ABCA12: variants seen among roughly 807,000 people sequenced by gnomAD.
The protein encoded by ABCA12 is glucosylceramide transporter ABCA12.
A neutral mutation model predicts 293.5 loss-of-function variants in ABCA12; 156 were observed. That is an observed-to-expected ratio of 0.53 (90% confidence interval 0.47 to 0.61). The LOEUF is 0.61. Among genes scored for constraint, ABCA12 ranks in the 20% least tolerant of loss-of-function variants. The pLI, the probability that ABCA12 is intolerant of heterozygous loss-of-function variation, is 0.00. For missense variants in ABCA12, 2,797 were observed against 3,090.2 expected (o/e 0.91, Z 2.25); for synonymous variants, 1,063 against 1,108.0 (o/e 0.96, Z 0.81).
At chr2:214,999,787 C>T (rs967625265) in intron 22 of ABCA12, 1 of 984,624 alleles carries the variant, frequency 1.0e-6, no homozygotes, top group Admixed American at 6.2e-5. Flanking sequence ...GGACTCCTTA[C>T]CTGCTTCCTC....
intron 39 of ABCA12, among the ~76,000 whole-genome samples, chr2:214,964,249 T>A (rs1166530585): frequency 6.6e-6 from 1 of 152,166 alleles, no homozygotes; most frequent in African/African-American, 2.4e-5. Flanking sequence ...GAGATGTATA[T>A]GGCAAACCCA....
chr2:215,011,019 A>G (rs1210544850), intron 17 of ABCA12, among the ~76,000 whole-genome samples: 1 of 152,200 alleles, frequency 6.6e-6, no homozygotes. Context: ...CAACTCTACC[A>G]TGTGTGATAA....
intron 6 of ABCA12, among the ~76,000 whole-genome samples, chr2:215,047,795 C>A (rs913578019): frequency 1.3e-5 from 2 of 151,920 alleles, no homozygotes; most frequent in Non-Finnish European, 2.9e-5. Context: ...CAAAAGCAAT[C>A]AAAATAAAAG....
At chr2:215,007,915 A>C in intron 18 of ABCA12, 69 bp from the exon 19 acceptor site, 1 of 1,592,628 alleles carries the variant, frequency 6.3e-7, no homozygotes, top group Non-Finnish European at 8.6e-7. Context: ...AAGGTATCTT[A>C]AGATTGTTTT....
In ABCA12 at chr2:215,087,093, C is replaced by T. The variant is rs929812761; in HGVS notation, c.164-22874G>A. 3.3e-5 allele frequency among the ~76,000 whole-genome samples: 5 copies of T among 152,112 alleles called. No individual in the cohort carries two copies. The East Asian group carries it at 5.8e-4, about 18-fold the overall frequency. ...AAGTAGCTGGGATTACAGGCATGCA[C>T]CACCAAGGTCAGCTAATTTTGTATT... On this transcript the variant is annotated intron_variant, in intron 2 of 52. Coordinates refer to ENST00000272895, the MANE Select transcript of ABCA12 (RefSeq NM_173076.3).
chr2:215,079,602 C>T (rs1701897555), intron 2 of ABCA12, among the ~76,000 whole-genome samples: 2 of 152,188 alleles, frequency 1.3e-5, no homozygotes, highest in Admixed American at 1.3e-4. Flanking sequence ...AGTTCAATTA[C>T]TTCTTTCCCT....
At chr2:215,026,994 G>A (rs995221635) in intron 9 of ABCA12, 56 bp from the exon 10 acceptor site, 77 of 1,273,450 alleles carry the variant, frequency 6.0e-5, no homozygotes, top group South Asian at 5.8e-4. Context: ...AAGCAAAGCC[G>A]TTTTGTTGAG....
intron 23 of ABCA12, among the ~76,000 whole-genome samples, chr2:214,993,039 G>A (rs554624897): frequency 2.0e-5 from 3 of 152,200 alleles, no homozygotes; most frequent in Non-Finnish European, 4.4e-5. Context: ...GCAAAATAGT[G>A]AATTTTACTT....
At chr2:215,027,215 G>A (rs1032225963) in intron 9 of ABCA12, among the ~76,000 whole-genome samples, 12 of 152,060 alleles carry the variant, frequency 7.9e-5, no homozygotes, top group African/African-American at 2.4e-4. Flanking sequence ...GCGTGGTGGC[G>A]GGCGCCTGTA....
At position 214,949,161 on chromosome 2, in the gene ABCA12, G is replaced by A; in HGVS notation, c.6853-12C>T. On this transcript the variant is annotated splice_polypyrimidine_tract_variant and intron_variant, in intron 45 of 52. Coordinates refer to ENST00000272895, the MANE Select transcript of ABCA12 (RefSeq NM_173076.3). ...AGAAGCCCAAAACACTGGTTTGAGG[G>A]AGAAAAAGAAGATATAAGCCTTAAT... 2.5e-6 allele frequency: 4 copies of A among 1,596,676 alleles called. No individual in the cohort carries two copies. The South Asian group carries it at 4.4e-5, about 18-fold the overall frequency.
chr2:215,122,871 G>A (rs1169560272), intron 1 of ABCA12, among the ~76,000 whole-genome samples: 1 of 152,100 alleles, frequency 6.6e-6, no homozygotes, highest in Non-Finnish European at 1.5e-5. Flanking sequence ...TGAGGACTAG[G>A]CTTCTAGTGT....
At chr2:214,935,088 A>G (rs1315461349) in intron 51 of ABCA12, among the ~76,000 whole-genome samples, 1 of 152,162 alleles carries the variant, frequency 6.6e-6, no homozygotes, top group Non-Finnish European at 1.5e-5. Context: ...ATGACCATGT[A>G]TTTCAGACCC....
chr2:214,946,841 T>C (rs1316485175), intron 48 of ABCA12, among the ~76,000 whole-genome samples: 1 of 152,146 alleles, frequency 6.6e-6, no homozygotes, highest in African/African-American at 2.4e-5. Context: ...AAATTTTCCA[T>C]CTCTTAAGAA....
intron 7 of ABCA12, chr2:215,042,233 T>C (rs1701114737): frequency 6.6e-6 from 1 of 152,178 alleles, no homozygotes; most frequent in Non-Finnish European, 1.5e-5. Context: ...AAACTATTTC[T>C]CTTTAGGTTT....
At chr2:215,033,754 A>G (rs1436326668) in intron 8 of ABCA12, among the ~76,000 whole-genome samples, 1 of 152,068 alleles carries the variant, frequency 6.6e-6, no homozygotes. Context: ...ATCCTGGCTA[A>G]CACGGTGACA....
At chr2:215,005,033 C>G (rs575906263) in intron 19 of ABCA12, among the ~76,000 whole-genome samples, 1 of 152,312 alleles carries the variant, frequency 6.6e-6, no homozygotes, top group East Asian at 1.9e-4. Flanking sequence ...TTCTATCACT[C>G]TAGGAGTACT....
intron 31 of ABCA12, among the ~76,000 whole-genome samples, chr2:214,980,158 T>C (rs777115869): frequency 2.2e-4 from 33 of 152,202 alleles, no homozygotes; most frequent in Non-Finnish European, 4.4e-4. Flanking sequence ...CCTTAAGATG[T>C]CAATCATTTT....
chr2:215,034,952 T>TA, intron 8 of ABCA12, among the ~76,000 whole-genome samples: 1 of 151,698 alleles, frequency 6.6e-6, no homozygotes, highest in South Asian at 2.1e-4. Flanking sequence ...CATAACAGAG[T>TA]AAAAAACCAA....
chr2:214,999,476 G>A (rs1700098706), intron 22 of ABCA12, among the ~76,000 whole-genome samples: 1 of 152,126 alleles, frequency 6.6e-6, no homozygotes, highest in Admixed American at 6.5e-5. Flanking sequence ...GTTGTTGGGT[G>A]AAACAAATGA....
Sources: gnomAD v4.1 joint callset for allele counts (sites outside exome capture counted in the v4.1 genomes callset) on GRCh38, gnomAD v4.1.1 for gene constraint, MANE v1.5 for transcripts, NCBI Gene and HGNC (gene_info 2026-07-23, HGNC 2026-07-21) for gene names.